GPC6: variants seen among roughly 807,000 people sequenced by gnomAD.
GPC6 encodes glypican-6.
In GPC6, 14 loss-of-function variants were observed where a neutral mutation model predicts 55.2. The ratio of observed to expected loss-of-function variants is 0.25; its 90% confidence interval spans 0.17 to 0.40. The LOEUF (loss-of-function observed/expected upper bound fraction) is 0.40, where lower values mean the gene tolerates loss of function less well. Ranked by LOEUF, GPC6 falls within the 10% of genes least tolerant of loss-of-function variation. GPC6 has a pLI of 1.00. For synonymous variants in GPC6, 278 were observed against 259.6 expected (o/e 1.07, Z -0.68); for missense variants, 641 against 708.5 (o/e 0.90, Z 1.08).
intron 1 of GPC6, among the ~76,000 whole-genome samples, chr13:93,334,193 C>G (rs1478972433): frequency 1.3e-5 from 2 of 151,878 alleles, no homozygotes; most frequent in African/African-American, 2.4e-5. Context: ...TTATATATGC[C>G]TGTTTGTTTC....
chr13:94,367,952 C>A (rs766921313), intron 6 of GPC6, among the ~76,000 whole-genome samples: 4 of 151,920 alleles, frequency 2.6e-5, no homozygotes, highest in African/African-American at 9.7e-5. Context: ...AGATCAAGAC[C>A]ATCCTGGCCA....
intron 1 of GPC6, among the ~76,000 whole-genome samples, chr13:93,416,772 C>T (rs1370143988): frequency 6.6e-6 from 1 of 152,088 alleles, no homozygotes; most frequent in Admixed American, 6.6e-5. Flanking sequence ...TTGATTCTGA[C>T]AATAACTTGG....
chr13:93,882,296 G>A (rs1237451866), intron 3 of GPC6, among the ~76,000 whole-genome samples: 1 of 151,772 alleles, frequency 6.6e-6, no homozygotes, highest in Non-Finnish European at 1.5e-5. Context: ...ACAGGCACGT[G>A]CCACTACACC....
intron 3 of GPC6, among the ~76,000 whole-genome samples, chr13:93,909,936 C>T (rs1205222784): frequency 6.6e-6 from 1 of 152,138 alleles, no homozygotes; most frequent in East Asian, 1.9e-4. Context: ...TCCTCCACCT[C>T]CCCGCTCCTA....
At chr13:93,418,524 T>C (rs1162688327) in intron 1 of GPC6, among the ~76,000 whole-genome samples, 1 of 151,538 alleles carries the variant, frequency 6.6e-6, no homozygotes, top group Non-Finnish European at 1.5e-5. Flanking sequence ...TACCATAGTA[T>C]TATTTTATTA....
chr13:93,588,425 C>T lies in GPC6; in HGVS notation c.319+43004C>T, dbSNP rs138445169. Among the ~76,000 whole-genome samples the T allele has an allele frequency of 3.3e-5, 5 of 151,882 alleles. No homozygotes were observed. The East Asian group carries it at 9.7e-4, about 29-fold the overall frequency. On this transcript the variant is annotated intron_variant, in intron 2 of 8. Transcript: ENST00000377047. ...GTATTTGATTATTTACTTTTATTTA[C>T]ATTTACTTTACCACATTCCATTAAA...
At chr13:93,789,015 T>A (rs1412737962) in intron 2 of GPC6, among the ~76,000 whole-genome samples, 1 of 152,048 alleles carries the variant, frequency 6.6e-6, no homozygotes, top group Non-Finnish European at 1.5e-5. Flanking sequence ...AGGTTTTATT[T>A]TGGAGGTTGC....
chr13:94,184,327 A>T (rs1318504234), intron 4 of GPC6, among the ~76,000 whole-genome samples: 1 of 152,148 alleles, frequency 6.6e-6, no homozygotes, highest in Non-Finnish European at 1.5e-5. Flanking sequence ...CAAAGAAAAA[A>T]AAAACCTACT....
At chr13:93,580,957 T>A (rs1441560292) in intron 2 of GPC6, among the ~76,000 whole-genome samples, 2 of 152,198 alleles carry the variant, frequency 1.3e-5, no homozygotes. Flanking sequence ...TTTTTTTTAA[T>A]TACTTAAAGG....
intron 2 of GPC6, among the ~76,000 whole-genome samples, chr13:93,623,182 C>T (rs1263518640): frequency 1.3e-5 from 2 of 151,942 alleles, no homozygotes; most frequent in African/African-American, 4.8e-5. Context: ...TCAGTTGACC[C>T]TATATCTTAG....
intron 4 of GPC6, among the ~76,000 whole-genome samples, chr13:94,224,888 G>C (rs1432084557): frequency 1.3e-5 from 2 of 152,086 alleles, no homozygotes; most frequent in Non-Finnish European, 2.9e-5. Context: ...CTATTGCTTT[G>C]ATTGTGCTTT....
At chr13:94,151,392 C>G (rs1887735577) in intron 4 of GPC6, among the ~76,000 whole-genome samples, 1 of 152,058 alleles carries the variant, frequency 6.6e-6, no homozygotes, top group Non-Finnish European at 1.5e-5. Flanking sequence ...ATATCTGTCC[C>G]CCTTGACACT....
intron 2 of GPC6, among the ~76,000 whole-genome samples, chr13:93,689,015 G>A (rs1436860236): frequency 6.6e-6 from 1 of 151,928 alleles, no homozygotes; most frequent in African/African-American, 2.4e-5. Flanking sequence ...TTGCCCAGGG[G>A]AACCTAGGTC....
intron 4 of GPC6, among the ~76,000 whole-genome samples, chr13:94,125,710 C>G (rs148686860): frequency 4.4e-5 from 6 of 136,388 alleles, no homozygotes; most frequent in African/African-American, 1.0e-4. Context: ...TTTTAAAGGC[C>G]AATTTCTTGC....
intron 2 of GPC6, among the ~76,000 whole-genome samples, chr13:93,780,594 T>TACACACACACACACAC (rs35134947): frequency 7.0e-6 from 1 of 143,842 alleles, no homozygotes; most frequent in African/African-American, 2.6e-5. Context: ...ATCACAAAAA[T>TACACACACACACACAC]ACACACACAC....
intron 2 of GPC6, among the ~76,000 whole-genome samples, chr13:93,617,922 G>A (rs920610476): frequency 7.2e-5 from 11 of 151,952 alleles, no homozygotes; most frequent in African/African-American, 2.4e-4. Context: ...CATGATTACT[G>A]TAATTAAATG....
chr13:93,969,466 C>T (rs1880190551), intron 3 of GPC6, among the ~76,000 whole-genome samples: 1 of 152,126 alleles, frequency 6.6e-6, no homozygotes, highest in Non-Finnish European at 1.5e-5. Flanking sequence ...CATCCAGTTC[C>T]TTGGCGATAT....
intron 2 of GPC6, among the ~76,000 whole-genome samples, chr13:93,618,966 G>A (rs1373024746): frequency 6.6e-6 from 1 of 152,006 alleles, no homozygotes; most frequent in Non-Finnish European, 1.5e-5. Context: ...ATGGCCTATT[G>A]CTCTTAGTCT....
At chr13:93,571,924 A>C (rs1265978993) in intron 2 of GPC6, among the ~76,000 whole-genome samples, 2 of 151,546 alleles carry the variant, frequency 1.3e-5, no homozygotes, top group African/African-American at 4.9e-5. Context: ...ACTACTTTTC[A>C]AAAAATGATT....
Sources: allele counts gnomAD v4.1 joint callset (sites outside exome capture counted in the v4.1 genomes callset), GRCh38; gene constraint gnomAD v4.1.1; transcripts MANE v1.5; gene names NCBI Gene and HGNC (gene_info 2026-07-23, HGNC 2026-07-21).